C12orf57: variants seen among roughly 807,000 people sequenced by gnomAD.
C12orf57 encodes chromosome 12 open reading frame 57.
C12orf57 carries 14 observed loss-of-function variants against 11.3 expected under a neutral mutation model. The ratio of observed to expected loss-of-function variants is 1.24; its 90% CI spans 0.82 to 1.94. The LOEUF (loss-of-function observed/expected upper bound fraction) is 1.94, where lower values mean the gene tolerates loss of function less well. C12orf57 is among the 30% of genes most tolerant of loss of function. The probability of loss-of-function intolerance (pLI) is 0.00; values close to 1 mark genes in which losing one functional copy is unlikely to be tolerated. For synonymous variants in C12orf57, 100 were observed against 74.6 expected (o/e 1.34, Z -1.76); for missense variants, 229 against 172.4 (o/e 1.33, Z -1.84).
chr12:6,944,498 G>A lies in C12orf57; in HGVS notation c.75G>A (p.Gln25=), dbSNP rs11064472. ...CAGTGGTCCTCGCGGAGGTGATCCAGGCGTTCTCCGCCCCGGAGAATGCAG... is the reference window on the plus strand; with the variant it reads ...CAGTGGTCCTCGCGGAGGTGATCCAAGCGTTCTCCGCCCCGGAGAATGCAG... ...QAKVVLAEVI[Q]AFSAPENAVR... The change falls in exon 2 of 3, where the codon CAG becomes CAA. Residue 25 remains glutamine, a synonymous_variant. Coordinates refer to ENST00000229281, the MANE Select transcript of C12orf57 (RefSeq NM_138425.4). 1.9e-6 allele frequency: 3 copies of A among 1,612,868 alleles called. No homozygotes were observed. The highest frequency in any genetic ancestry group is 2.2e-5 in the East Asian group (1 of 44,880).
upstream of C12orf57, chr12:6,943,959 T>C (rs782173109): frequency 2.6e-5 from 39 of 1,527,996 alleles, no homozygotes; most frequent in African/African-American, 2.7e-4. Flanking sequence ...GATGCAGTTG[T>C]AAGCTTGGGG....
At chr12:6,944,797 CAG>C (rs1565575276) in intron 2 of C12orf57, 145 bp downstream of exon 2, 6 of 1,503,924 alleles carry the variant, frequency 4.0e-6, no homozygotes, top group Admixed American at 2.1e-5. Context: ...TCTTGGCACT[CAG>C]AGCCCAGGGT....
chr12:6,943,970 T>G (rs1395352721), upstream of C12orf57: 3 of 1,557,426 alleles, frequency 1.9e-6, no homozygotes, highest in Middle Eastern at 1.9e-4. Context: ...AAGCTTGGGG[T>G]ATGAAGGTTT....
chr12:6,943,925 A>G (rs150103060), upstream of C12orf57: 620 of 1,324,570 alleles, frequency 4.7e-4, 4 homozygotes, highest in African/African-American at 7.0e-3. Context: ...CTGTGCAAAA[A>G]TTATGGGTAG....
intron 2 of C12orf57, 141 bp downstream of exon 2, chr12:6,944,793 C>A: frequency 6.6e-7 from 1 of 1,508,276 alleles, no homozygotes; most frequent in South Asian, 1.3e-5. Context: ...ACATTCTTGG[C>A]ACTCAGAGCC....
Position 6,945,988 on chromosome 12 carries a change from T to TG in C12orf57, c.*67dup. On this transcript the variant is annotated 3_prime_UTR_variant, in exon 3 of 3. Transcript: ENST00000229281. ...CCTTGATGTTCCAGACAATAATAAA[T>TG]GCGCCTGTGACTTAGCCTTGGTGTC... 1.3e-6 allele frequency: 2 copies of TG among 1,538,546 alleles called. No individual in the cohort carries two copies.
chr12:6,943,985 C>A (rs781852027), upstream of C12orf57: 8 of 1,579,644 alleles, frequency 5.1e-6, no homozygotes, highest in African/African-American at 2.7e-5. Flanking sequence ...AGGTTTGGGC[C>A]ACGCCTGGGC....
intron 2 of C12orf57, 179 bp downstream of exon 2, chr12:6,944,831 G>C (rs1249012969): frequency 1.4e-6 from 2 of 1,448,356 alleles, no homozygotes; most frequent in African/African-American, 1.4e-5. Flanking sequence ...TTGTGCGTCC[G>C]AGTTGCGTTT....
At chr12:6,943,656 GA>G (rs782785594), upstream of C12orf57, 12 of 1,287,158 alleles carry the variant, frequency 9.3e-6, 1 homozygote, top group East Asian at 2.2e-4. Context: ...AGAAATGAAT[GA>G]CTTAAGTAAG....
At position 6,945,943 on chromosome 12, in the gene C12orf57, C is replaced by T; in HGVS notation, c.*21C>T. ...CCTGAGAGTTGGCCCTCCCTTGTGC[C>T]ACTGCCAGGGGAGGAAAGGCCTTGA... On this transcript the variant is annotated 3_prime_UTR_variant, in exon 3 of 3. Transcript: ENST00000229281. 6.2e-7 allele frequency: 1 copy of T among 1,604,598 alleles called. No individual in the cohort carries two copies. The highest frequency in any genetic ancestry group is 8.5e-7 in the Non-Finnish European group (1 of 1,177,802).
Position 6,945,832 on chromosome 12 carries a change from C to G in C12orf57, c.291C>G (p.Ser97Arg), listed in dbSNP as rs782133839. The change falls in exon 3 of 3, where the codon AGC (serine) becomes AGG (arginine). Residue 97 changes from serine to arginine, a missense_variant. Transcript: ENST00000229281. ...SYEAQDPEIA[S>R]LSGKLKALFL... ...AAGCCCAGGATCCTGAGATCGCCAGCCTGTCAGGCAAGCTGAAGGCGCTGT... is the reference window on the plus strand; with the variant it reads ...AAGCCCAGGATCCTGAGATCGCCAGGCTGTCAGGCAAGCTGAAGGCGCTGT... 4.3e-6 allele frequency: 7 copies of G among 1,612,232 alleles called. No individual in the cohort carries two copies. The highest frequency in any genetic ancestry group is 5.9e-6 in the Non-Finnish European group (7 of 1,179,202).
At chr12:6,943,885 ATGT>A, upstream of C12orf57, 1 of 1,027,546 alleles carries the variant, frequency 9.7e-7, no homozygotes, top group Non-Finnish European at 1.4e-6. Flanking sequence ...CCCTCTTATG[ATGT>A]TTGTTGCCAA....
At chr12:6,943,903 A>G (rs367709050), upstream of C12orf57, 2,299 of 1,129,740 alleles carry the variant, frequency 2.0e-3, 5 homozygotes, top group Middle Eastern at 3.7e-3. Flanking sequence ...TGCCAATGAT[A>G]GATTGTTTTC....
upstream of C12orf57, chr12:6,943,855 CT>C (rs2041615142): frequency 3.2e-6 from 3 of 933,036 alleles, no homozygotes; most frequent in South Asian, 5.3e-5. Flanking sequence ...AGTAGGCTTT[CT>C]GGCTTTTTAC....
At chr12:6,943,589 C>T (rs1565572196), upstream of C12orf57, 1 of 1,289,754 alleles carries the variant, frequency 7.8e-7, no homozygotes, top group South Asian at 1.2e-5. Context: ...GCTGCTTTCT[C>T]AACCAATCAG....
upstream of C12orf57, chr12:6,943,907 T>G (rs952270888): frequency 1.5e-5 from 18 of 1,167,746 alleles, no homozygotes; most frequent in African/African-American, 1.1e-4. Context: ...AATGATAGAT[T>G]GTTTTCACTG....
upstream of C12orf57, chr12:6,943,928 A>C (rs77181224): frequency 2.3e-6 from 3 of 1,325,790 alleles, no homozygotes; most frequent in African/African-American, 1.5e-5. Context: ...TGCAAAAATT[A>C]TGGGTAGTTT....
Position 6,944,600 on chromosome 12 carries a change from G to T in C12orf57, c.177G>T (p.Thr59=). 1 of 1,614,180 alleles carries T rather than the reference G, an allele frequency of 6.2e-7. No individual in the cohort carries two copies. The highest frequency in any genetic ancestry group is 1.1e-5 in the South Asian group (1 of 91,092). The part of the protein sequence containing the change: ...KMLQFVLPVA[T]QIQQEVIKAY... ...TGCAATTCGTGCTGCCCGTGGCCAC[G>T]CAGATCCAGCAGGAGGTTATCAAAG... The change falls in exon 2 of 3, where the codon ACG becomes ACT. Residue 59 remains threonine, a synonymous_variant. Coordinates refer to ENST00000229281, the MANE Select transcript of C12orf57 (RefSeq NM_138425.4).
At position 6,944,087 on chromosome 12, in the gene C12orf57, T is replaced by G; in HGVS notation, c.-35T>G. The G allele has an allele frequency of 3.1e-6, 5 of 1,613,906 alleles. No homozygotes were observed. The highest frequency in any genetic ancestry group is 4.2e-6 in the Non-Finnish European group (5 of 1,179,860). ...TGGCTCTTTATTCGTGAGTTTTCCA[T>G]TTACCTCCGCTGAACCTAGAGCTTC... On this transcript the variant is annotated 5_prime_UTR_variant, in exon 1 of 3. Coordinates refer to ENST00000229281, the MANE Select transcript of C12orf57 (RefSeq NM_138425.4).
Sources: allele counts gnomAD v4.1 joint callset, GRCh38; gene constraint gnomAD v4.1.1; transcripts MANE v1.5; gene names NCBI Gene and HGNC (gene_info 2026-07-23, HGNC 2026-07-21).